DGLUCY: variants seen among roughly 807,000 people sequenced by gnomAD.
The protein encoded by DGLUCY is D-glutamate cyclase.
In DGLUCY, 58 loss-of-function variants were observed where a neutral mutation model predicts 58.5. That is an observed-to-expected ratio of 0.99 (90% CI 0.80 to 1.23). The LOEUF (loss-of-function observed/expected upper bound fraction) is 1.23. Ranked by LOEUF, DGLUCY falls within the 50% of genes most tolerant of loss-of-function variation. The pLI, the probability that DGLUCY is intolerant of heterozygous loss-of-function variation, is 0.00. For missense variants in DGLUCY, 779 were observed against 784.7 expected (o/e 0.99, Z 0.09); for synonymous variants, 325 against 314.1 (o/e 1.03, Z -0.37).
intron 1 of DGLUCY, among the ~76,000 whole-genome samples, chr14:91,084,666 C>G (rs2044182408): frequency 6.6e-6 from 1 of 152,202 alleles, no homozygotes. Flanking sequence ...GGGTGCTTTC[C>G]TCTCTATAAT....
chr14:91,067,003 C>T (rs1300117134), intron 1 of DGLUCY, among the ~76,000 whole-genome samples: 2 of 148,086 alleles, frequency 1.4e-5, no homozygotes, highest in Non-Finnish European at 1.5e-5. Flanking sequence ...ATGGTGTGAA[C>T]CTGGGAGGTG....
At chr14:91,082,852 C>T (rs1211040592) in intron 1 of DGLUCY, among the ~76,000 whole-genome samples, 1 of 152,168 alleles carries the variant, frequency 6.6e-6, no homozygotes, top group Non-Finnish European at 1.5e-5. Context: ...CTCCTGGGCT[C>T]AAGCAATCCT....
chr14:91,166,827 G>T (rs1006128879), intron 3 of DGLUCY, among the ~76,000 whole-genome samples: 1 of 152,028 alleles, frequency 6.6e-6, no homozygotes, highest in Non-Finnish European at 1.5e-5. Flanking sequence ...GGGGCTGGGC[G>T]CAATGGCTCA....
chr14:91,061,344 G>A (rs2043675005), intron 1 of DGLUCY, among the ~76,000 whole-genome samples: 1 of 152,220 alleles, frequency 6.6e-6, no homozygotes, highest in South Asian at 2.1e-4. Context: ...TTACGAAGGA[G>A]AGACATTTCT....
rs549522961 is a variant in DGLUCY, at chr14:91,215,845, G to A, written c.1716+289G>A. 2.1e-5 allele frequency: 21 copies of A among 1,011,110 alleles called. No individual in the cohort carries two copies. In the South Asian group the frequency reaches 3.0e-4, roughly 14 times the overall value. The allele number at this position is 1,011,110 out of a possible 1,614,324, so 62.6% of individuals were successfully genotyped here. On this transcript the variant is annotated intron_variant, in intron 13 of 13. Transcript: ENST00000256324. ...CATTTTCTTCATCTGTAAAATGGGG[G>A]TGGTCAGCATTGTTGTTGGAGGAAC...
At chr14:91,212,168 A>G (rs1885781369) in intron 12 of DGLUCY, among the ~76,000 whole-genome samples, 1 of 152,166 alleles carries the variant, frequency 6.6e-6, no homozygotes, top group East Asian at 1.9e-4. Flanking sequence ...GATAAGCTGG[A>G]CTTCACTAAA....
In DGLUCY at chr14:91,225,140, C is replaced by T. The variant is rs80181220; in HGVS notation, c.*307C>T. 5.8e-3 allele frequency: 1,273 copies of T among 218,140 alleles called. 4 individuals carry two copies. Among genetic ancestry groups the T allele is most frequent in the South Asian group, 0.016 (116 of 7,432 alleles). The allele number at this position is 218,140 out of a possible 1,614,324, so 13.5% of individuals were successfully genotyped here. On this transcript the variant is annotated 3_prime_UTR_variant, in exon 14 of 14. Coordinates refer to ENST00000256324, the MANE Select transcript of DGLUCY (RefSeq NM_001102368.3). ...ACGTGGTCTCCTGTGAGAATCTTCT[C>T]GACAGTTACTTATGGGGACACTTGT...
intron 8 of DGLUCY, among the ~76,000 whole-genome samples, chr14:91,187,403 T>G (rs537078518): frequency 6.6e-6 from 1 of 152,236 alleles, no homozygotes; most frequent in East Asian, 1.9e-4. Context: ...GTAGAAGTTC[T>G]GTGTCCCACA....
intron 1 of DGLUCY, among the ~76,000 whole-genome samples, chr14:91,093,592 G>C (rs1036722688): frequency 3.3e-4 from 50 of 152,026 alleles, no homozygotes; most frequent in African/African-American, 1.2e-3. Flanking sequence ...GATTGCTTGA[G>C]ACCAGGAGTT....
intron 9 of DGLUCY, among the ~76,000 whole-genome samples, chr14:91,190,080 C>A (rs989861032): frequency 2.7e-5 from 4 of 149,602 alleles, no homozygotes; most frequent in Non-Finnish European, 4.4e-5. Context: ...CTCCGCCTCC[C>A]GGGTTCACGC....
chr14:91,159,410 G>C (rs1323304280), intron 2 of DGLUCY, among the ~76,000 whole-genome samples: 1 of 152,178 alleles, frequency 6.6e-6, no homozygotes, highest in Non-Finnish European at 1.5e-5. Flanking sequence ...TTGCGCCACT[G>C]TACTCCAGCC....
At position 91,083,023 on chromosome 14, in the gene DGLUCY, G is replaced by A. The variant is rs537972229; in HGVS notation, c.-82+22319G>A. 2.8e-4 allele frequency among the ~76,000 whole-genome samples: 43 copies of A among 152,264 alleles called. 1 individual carries two copies. The highest frequency in any genetic ancestry group is 9.1e-4 in the African/African-American group (38 of 41,546). ...TCCTCCTGCGTTGGCCTCCAAAAAG[G>A]CTGAGGTTACAGGTATAAGCCATCA... On this transcript the variant is annotated intron_variant, in intron 1 of 4. Transcript: ENST00000521334.
intron 1 of DGLUCY, among the ~76,000 whole-genome samples, chr14:91,087,482 T>G (rs1206718870): frequency 1.3e-5 from 2 of 152,246 alleles, no homozygotes; most frequent in South Asian, 2.1e-4. Flanking sequence ...ATCAATGTAC[T>G]TTATGTTCTT....
chr14:91,146,632 A>G, intron 1 of DGLUCY, among the ~76,000 whole-genome samples: 1 of 152,110 alleles, frequency 6.6e-6, no homozygotes, highest in Non-Finnish European at 1.5e-5. Context: ...GGCCACACAC[A>G]TTGTCCCCAA....
At chr14:91,082,349 C>T (rs2044141711) in intron 1 of DGLUCY, among the ~76,000 whole-genome samples, 1 of 152,180 alleles carries the variant, frequency 6.6e-6, no homozygotes, top group African/African-American at 2.4e-5. Flanking sequence ...AACCAAATGT[C>T]TTCGCTTTGA....
At chr14:91,068,079 G>GCGCACGCACA (rs375738080) in intron 1 of DGLUCY, among the ~76,000 whole-genome samples, 1 of 146,342 alleles carries the variant, frequency 6.8e-6, no homozygotes, top group Non-Finnish European at 1.5e-5. Flanking sequence ...ACACGCGCAC[G>GCGCACGCACA]CACACACACA....
chr14:91,106,706 C>CA (rs35463102), upstream of DGLUCY, among the ~76,000 whole-genome samples: 121,087 of 139,082 alleles, frequency 0.87, 53,009 homozygotes, highest in East Asian at 0.99. Context: ...GACTCTGTCT[C>CA]AAAAAAAAAA....
At chr14:91,111,936 TGTCTAATAAAGCTTAACATGGCCTG>T (rs1030699721), upstream of DGLUCY, among the ~76,000 whole-genome samples, 3 of 152,186 alleles carry the variant, frequency 2.0e-5, no homozygotes, top group Non-Finnish European at 4.4e-5. Flanking sequence ...TTTTGGCTCT[TGTCTAATAAAGCTTAACATGGCCTG>T]GCACCGTGGC....
intron 1 of DGLUCY, among the ~76,000 whole-genome samples, chr14:91,125,867 G>A (rs1323013800): frequency 6.6e-6 from 1 of 152,166 alleles, no homozygotes; most frequent in African/African-American, 2.4e-5. Context: ...AGGAGATAGA[G>A]GCTGCAGTGA....
Sources: allele counts gnomAD v4.1 joint callset (sites outside exome capture counted in the v4.1 genomes callset), GRCh38; gene constraint gnomAD v4.1.1; transcripts MANE v1.5; gene names NCBI Gene and HGNC (gene_info 2026-07-23, HGNC 2026-07-21).